CFAP299: variants seen among roughly 807,000 people sequenced by gnomAD.
CFAP299 encodes the protein cilia- and flagella-associated protein 299.
Under a neutral mutation model 27.0 loss-of-function variants are expected in CFAP299, and 21 were observed. The ratio of observed to expected loss-of-function variants is 0.78; its 90% CI spans 0.55 to 1.12. CFAP299 has a LOEUF of 1.12. CFAP299 is among the 50% of genes most tolerant of loss of function. The pLI, the probability that CFAP299 is intolerant of heterozygous loss-of-function variation, is 0.00. For missense variants in CFAP299, 310 were observed against 276.6 expected, an observed-to-expected ratio of 1.12 and a Z score of -0.86; for synonymous variants, 104 against 98.1, an observed-to-expected ratio of 1.06 and a Z score of -0.36.
chr4:80,635,386 A>G (rs1270667600), intron 3 of CFAP299, among the ~76,000 whole-genome samples: 1 of 152,172 alleles, frequency 6.6e-6, no homozygotes, highest in Non-Finnish European at 1.5e-5. Flanking sequence ...TTTAAAATCT[A>G]CTTTTGCCTT....
At chr4:80,688,236 A>C (rs1156855923) in intron 3 of CFAP299, among the ~76,000 whole-genome samples, 1 of 152,220 alleles carries the variant, frequency 6.6e-6, no homozygotes, top group Non-Finnish European at 1.5e-5. Flanking sequence ...CTCTGGGGGC[A>C]GGGCACAGAC....
the CFAP299 span, among the ~76,000 whole-genome samples, chr4:80,327,236 G>A: frequency 3.9e-5 from 6 of 152,092 alleles, no homozygotes; most frequent in Non-Finnish European, 5.9e-5. Context: ...AAACACTGGG[G>A]CAGGGAAGGA....
chr4:80,537,798 A>G lies in CFAP299; in HGVS notation c.243-45295A>G, dbSNP rs569311428. 5.9e-5 allele frequency among the ~76,000 whole-genome samples: 9 copies of G among 152,062 alleles called. No individual in the cohort carries two copies. In the East Asian group the frequency reaches 1.7e-3, roughly 29 times the overall value. ...AGTTAATAATGTATTGTAGACATGG[A>G]CGTTGCTAAGAGATTAGATCTTAAA... is the stretch of plus-strand genomic sequence containing the variant. On this transcript the variant is annotated intron_variant, in intron 2 of 5. Coordinates refer to ENST00000358105, the MANE Select transcript of CFAP299 (RefSeq NM_152770.3).
intron 1 of CFAP299, among the ~76,000 whole-genome samples, chr4:80,349,350 G>T (rs1323398266): frequency 6.6e-6 from 1 of 152,152 alleles, no homozygotes; most frequent in Non-Finnish European, 1.5e-5. Flanking sequence ...TAGATAATTT[G>T]ATGCAATACA....
chr4:80,619,661 T>G (rs1437530631), intron 3 of CFAP299, among the ~76,000 whole-genome samples: 2 of 152,098 alleles, frequency 1.3e-5, no homozygotes, highest in Non-Finnish European at 2.9e-5. Context: ...CACAGTGCAG[T>G]CAATGACTAG....
intron 2 of CFAP299, among the ~76,000 whole-genome samples, chr4:80,540,070 C>A (rs534590151): frequency 2.0e-5 from 3 of 152,244 alleles, no homozygotes; most frequent in South Asian, 4.1e-4. Flanking sequence ...TGTGTTTTTG[C>A]CAAAGGAATT....
intron 2 of CFAP299, among the ~76,000 whole-genome samples, chr4:80,520,828 C>G (rs1732870736): frequency 6.6e-6 from 1 of 152,154 alleles, no homozygotes; most frequent in African/African-American, 2.4e-5. Flanking sequence ...TTGTTATATT[C>G]TATCTTATTC....
At chr4:80,418,847 A>G (rs6842892) in intron 2 of CFAP299, among the ~76,000 whole-genome samples, 97,598 of 152,140 alleles carry the variant, frequency 0.64, 33,998 homozygotes, top group Non-Finnish European at 0.77. Flanking sequence ...AAGGCTGAAT[A>G]GTATTCCATT....
chr4:80,791,620 G>A (rs779550846), intron 3 of CFAP299, among the ~76,000 whole-genome samples: 3 of 151,936 alleles, frequency 2.0e-5, no homozygotes, highest in South Asian at 2.1e-4. Flanking sequence ...TTGATGCAGA[G>A]GGAGTAAAAT....
chr4:80,471,327 T>C (rs1209410249), intron 2 of CFAP299, among the ~76,000 whole-genome samples: 1 of 151,476 alleles, frequency 6.6e-6, no homozygotes. Flanking sequence ...AAATGAAAAA[T>C]GTTTTCCAAA....
At chr4:80,585,446 A>G (rs1736386900) in intron 3 of CFAP299, among the ~76,000 whole-genome samples, 1 of 152,034 alleles carries the variant, frequency 6.6e-6, no homozygotes, top group Non-Finnish European at 1.5e-5. Flanking sequence ...TTACTAAGTT[A>G]TTTTTTTCCT....
At chr4:80,704,948 C>T (rs1721736411) in intron 3 of CFAP299, among the ~76,000 whole-genome samples, 2 of 151,724 alleles carry the variant, frequency 1.3e-5, no homozygotes, top group Non-Finnish European at 2.9e-5. Flanking sequence ...AAGGCTCAGC[C>T]ACATTTTCTA....
chr4:80,443,922 A>G lies in CFAP299; in HGVS notation c.242+81038A>G, dbSNP rs1410017633. Among the ~76,000 whole-genome samples, 3 of 152,202 alleles carry G rather than the reference A, an allele frequency of 2.0e-5. No homozygotes were observed. The East Asian group carries it at 5.8e-4, about 29-fold the overall frequency. On this transcript the variant is annotated intron_variant, in intron 2 of 5. Transcript: ENST00000358105. ...AGAGCCAAATCATGAGTGAACTGCC[A>G]TTCATAATTGCTACAAAGAGAATAA...
At chr4:80,893,961 C>T (rs1734480519) in intron 4 of CFAP299, among the ~76,000 whole-genome samples, 1 of 151,872 alleles carries the variant, frequency 6.6e-6, no homozygotes, top group Non-Finnish European at 1.5e-5. Flanking sequence ...GCAAACCACA[C>T]ATCTGATAAG....
At chr4:80,740,903 G>A (rs1023332369) in intron 3 of CFAP299, among the ~76,000 whole-genome samples, 12 of 152,028 alleles carry the variant, frequency 7.9e-5, no homozygotes, top group Admixed American at 3.9e-4. Flanking sequence ...AGCTTGTGGC[G>A]AATGCTGCCA....
rs1352038829 is a variant in CFAP299 at position 80,482,487 on chromosome 4, C to A, written c.243-100606C>A. The stretch of plus-strand genomic sequence containing the variant: ...TATCTTGGCATGCAGGCTATAATAA[C>A]TTATGCATTTTAGAAATTGTTCAAG... On this transcript the variant is annotated intron_variant, in intron 2 of 5. Transcript: ENST00000358105. Among the ~76,000 whole-genome samples the A allele has an allele frequency of 2.6e-5, 4 of 152,016 alleles. No homozygotes were observed. In the East Asian group the frequency reaches 7.7e-4, roughly 29 times the overall value.
At chr4:80,644,880 G>T (rs3113548) in intron 3 of CFAP299, among the ~76,000 whole-genome samples, 1 of 152,014 alleles carries the variant, frequency 6.6e-6, no homozygotes, top group African/African-American at 2.4e-5. Context: ...AATATGAGCA[G>T]AAAAAAAGAA....
intron 3 of CFAP299, among the ~76,000 whole-genome samples, chr4:80,780,918 A>AATGTTT (rs1181542133): frequency 2.0e-5 from 3 of 151,878 alleles, no homozygotes; most frequent in African/African-American, 7.2e-5. Flanking sequence ...AAAACTCATG[A>AATGTTT]ATGTTTATGC....
intron 2 of CFAP299, among the ~76,000 whole-genome samples, chr4:80,428,454 A>G (rs1201421855): frequency 6.6e-6 from 1 of 152,230 alleles, no homozygotes; most frequent in Non-Finnish European, 1.5e-5. Context: ...ATAGTAACAT[A>G]TGAAGAAAAT....
Sources: gnomAD v4.1 joint callset for allele counts (sites outside exome capture counted in the v4.1 genomes callset) on GRCh38, gnomAD v4.1.1 for gene constraint, MANE v1.5 for transcripts, NCBI Gene and HGNC (gene_info 2026-07-23, HGNC 2026-07-21) for gene names.